Variants in PRR13 observed in about 807,000 individuals in gnomAD.
PRR13 encodes the protein proline rich 13.
In PRR13, 7 loss-of-function variants were observed where a neutral mutation model predicts 11.5. The ratio of observed to expected loss-of-function variants is 0.61; its 90% confidence interval spans 0.34 to 1.14. PRR13 has a LOEUF of 1.14. Among genes scored for constraint, PRR13 ranks in the 50% most tolerant of loss-of-function variants. The pLI is 0.03. For missense variants in PRR13, 155 were observed against 194.4 expected (o/e 0.80, Z 1.21); for synonymous variants, 53 against 67.8 (o/e 0.78, Z 1.07).
chr12:53,442,890 T>G (rs1190649206), intron 2 of PRR13, 157 bp downstream of exon 2: 2 of 588,136 alleles, frequency 3.4e-6, no homozygotes, highest in Non-Finnish European at 5.4e-6. Context: ...TTTAATTTAA[T>G]TTATTTATTT....
intron 1 of PRR13, 88 bp downstream of exon 1, chr12:53,441,880 T>G: frequency 1.4e-6 from 1 of 695,848 alleles, no homozygotes; most frequent in Non-Finnish European, 2.6e-6. Context: ...GGATCTTCAT[T>G]TGCCTTTTTT....
At chr12:53,444,430 C>T (rs948134898) in intron 3 of PRR13, among the ~76,000 whole-genome samples, 1 of 151,542 alleles carries the variant, frequency 6.6e-6, no homozygotes, top group African/African-American at 2.4e-5. Context: ...CCCAGGTTCA[C>T]GCCATTCTCC....
chr12:53,441,799 G>A lies in PRR13; in HGVS notation c.-21+7G>A, dbSNP rs1209199089. 4 of 702,208 alleles carry A rather than the reference G, an allele frequency of 5.7e-6. No homozygotes were observed. Among genetic ancestry groups the A allele is most frequent in the Non-Finnish European group, 7.8e-6 (3 of 384,830 alleles). 43.5% of individuals were successfully genotyped at this position (702,208 alleles called of 1,614,324 possible). ...CCCAGGCGGCGGTGGAAAGGTGATG[G>A]GGTATCTGGATTCCATAGGTTTTTC... On this transcript the variant is annotated splice_region_variant and intron_variant, in intron 1 of 3. Coordinates refer to ENST00000429243, the MANE Select transcript of PRR13 (RefSeq NM_018457.4).
intron 2 of PRR13, 48 bp from the exon 3 acceptor site, chr12:53,443,343 T>C: frequency 7.5e-7 from 1 of 1,332,870 alleles, no homozygotes; most frequent in African/African-American, 1.5e-5. Flanking sequence ...TGTTTGTTGT[T>C]GGAGACTCTG....
At chr12:53,441,928 G>A (rs1940299990) in intron 1 of PRR13, 136 bp downstream of exon 1, 4 of 655,240 alleles carry the variant, frequency 6.1e-6, no homozygotes, top group Non-Finnish European at 1.1e-5. Context: ...ACATATTTAA[G>A]TATTTGAGGT....
At chr12:53,445,696 T>G (rs760624840) in intron 3 of PRR13, among the ~76,000 whole-genome samples, 2 of 152,248 alleles carry the variant, frequency 1.3e-5, no homozygotes, top group Non-Finnish European at 2.9e-5. Flanking sequence ...CACTATACTA[T>G]GCTTGTGCCT....
chr12:53,442,586 G>C (rs905447930), intron 1 of PRR13, 109 bp from the exon 2 acceptor site: 7 of 925,396 alleles, frequency 7.6e-6, no homozygotes, highest in African/African-American at 4.9e-5. Context: ...TAGTTCTCCA[G>C]GTAGGAGAGC....
chr12:53,441,747 C>G lies in PRR13; in HGVS notation c.-66C>G, dbSNP rs904359442. ...CGGGGTCTGGGTGACTAGGAAGAGCCGAGACTGCGAAGGAGAACGCAGCAA... is the reference window on the plus strand; with the variant it reads ...CGGGGTCTGGGTGACTAGGAAGAGCGGAGACTGCGAAGGAGAACGCAGCAA... On this transcript the variant is annotated 5_prime_UTR_variant, in exon 1 of 4. Coordinates refer to ENST00000429243, the MANE Select transcript of PRR13 (RefSeq NM_018457.4). 1 of 701,278 alleles carries G rather than the reference C, an allele frequency of 1.4e-6. No homozygotes were observed. The highest frequency in any genetic ancestry group is 1.7e-5 in the African/African-American group (1 of 57,184). 43.4% of individuals were successfully genotyped at this position (701,278 alleles called of 1,614,324 possible).
At position 53,442,725 on chromosome 12, in the gene PRR13, C is replaced by T; in HGVS notation, c.11C>T (p.Pro4Leu). The T allele has an allele frequency of 6.2e-7, 1 of 1,610,980 alleles. No homozygotes were observed. The highest frequency in any genetic ancestry group is 1.3e-5 in the African/African-American group (1 of 74,932). MWNPNAGQPGPNPY... is the reference protein window; with the variant it reads MWNLNAGQPGPNPY... ...AGGACACACCTAAACATGTGGAATCCCAATGCCGGTAGGTGTTTGGGGGTT... is the reference window on the plus strand; with the variant it reads ...AGGACACACCTAAACATGTGGAATCTCAATGCCGGTAGGTGTTTGGGGGTT... The change falls in exon 2 of 4, where the codon CCC (proline) becomes CTC (leucine). Residue 4 changes from proline to leucine, a missense_variant. By Grantham distance (98) the Pro-to-Leu change is moderately conservative. Transcript: ENST00000429243.
intron 3 of PRR13, among the ~76,000 whole-genome samples, chr12:53,444,329 G>GTTT (rs959231725): frequency 6.9e-5 from 9 of 131,336 alleles, no homozygotes; most frequent in African/African-American, 1.8e-4. Flanking sequence ...GACTAAGGAG[G>GTTT]TTTTTTTTTT....
intron 1 of PRR13, 40 bp from the exon 2 acceptor site, chr12:53,442,655 C>A (rs769819783): frequency 6.4e-7 from 1 of 1,552,560 alleles, no homozygotes; most frequent in Non-Finnish European, 8.9e-7. Context: ...CTTCCTACCT[C>A]TAGACCGTCA....
At chr12:53,445,575 C>T (rs1411964985) in intron 3 of PRR13, among the ~76,000 whole-genome samples, 2 of 152,272 alleles carry the variant, frequency 1.3e-5, no homozygotes, top group East Asian at 3.9e-4. Flanking sequence ...GCACATACAA[C>T]TGCTGTTTCT....
At chr12:53,444,906 A>G (rs902352557) in intron 3 of PRR13, among the ~76,000 whole-genome samples, 1 of 152,116 alleles carries the variant, frequency 6.6e-6, no homozygotes, top group Admixed American at 6.5e-5. Context: ...CAAACAAACA[A>G]ACAAAAAATA....
intron 3 of PRR13, among the ~76,000 whole-genome samples, chr12:53,445,771 A>G (rs1289478820): frequency 6.6e-6 from 1 of 152,206 alleles, no homozygotes; most frequent in Admixed American, 6.5e-5. Context: ...TCCAAAGGCA[A>G]TATGTTAAAT....
rs771946164 is a variant in PRR13, at chr12:53,442,681, T to G, written c.-20-14T>G. On this transcript the variant is annotated splice_polypyrimidine_tract_variant and intron_variant, in intron 1 of 3. Coordinates refer to ENST00000429243, the MANE Select transcript of PRR13 (RefSeq NM_018457.4). ...TAGACCGTCATCTTTTTTGCCTCAT[T>G]TCTTTCTCCTCAGGCTGGAGGACAC... is the stretch of plus-strand genomic sequence containing the variant. 4 of 1,601,010 alleles carry G rather than the reference T, an allele frequency of 2.5e-6. No homozygotes were observed. In the African/African-American group the frequency reaches 4.0e-5, roughly 16 times the overall value.
At chr12:53,444,679 G>C (rs2136991630) in intron 3 of PRR13, among the ~76,000 whole-genome samples, 1 of 152,300 alleles carries the variant, frequency 6.6e-6, no homozygotes, top group Admixed American at 6.5e-5. Context: ...TGTTTTAGAG[G>C]AGTGTTAAAA....
At chr12:53,444,575 C>T (rs895757084) in intron 3 of PRR13, among the ~76,000 whole-genome samples, 2 of 152,180 alleles carry the variant, frequency 1.3e-5, no homozygotes, top group African/African-American at 4.8e-5. Context: ...GTGATCCGCC[C>T]GCCTTGGCCT....
At position 53,445,890 on chromosome 12, in the gene PRR13, CCTT is replaced by C. The variant is rs534285098; in HGVS notation, c.403-121_403-119del. 2,523 of 1,422,950 alleles carry C rather than the reference CCTT, an allele frequency of 1.8e-3. 64 individuals are homozygous for C. The Admixed American group carries it at 0.04, about 23-fold the overall frequency. The allele number at this position is 1,422,950 out of a possible 1,614,324, so 88.1% of individuals were successfully genotyped here. Reference sequence around the variant, plus strand: ...GGTACAGTCTGTTCAAGACTCCTGACCTTCTTAGGGAAGCAAGGGATACTTGGG... The same window carrying C: ...GGTACAGTCTGTTCAAGACTCCTGACCTTAGGGAAGCAAGGGATACTTGGG... On this transcript the variant is annotated intron_variant, in intron 3 of 3. Transcript: ENST00000429243.
chr12:53,443,325 C>A (rs1028807291), intron 2 of PRR13, 66 bp from the exon 3 acceptor site: 64 of 1,299,008 alleles, frequency 4.9e-5, no homozygotes, highest in Non-Finnish European at 6.0e-5. Context: ...GAATCTCTTT[C>A]TTTTTGTTGT....
Sources: allele counts gnomAD v4.1 joint callset (sites outside exome capture counted in the v4.1 genomes callset), GRCh38; gene constraint gnomAD v4.1.1; transcripts MANE v1.5; gene names NCBI Gene and HGNC (gene_info 2026-07-23, HGNC 2026-07-21).